CCDC90B: variants seen among roughly 807,000 people sequenced by gnomAD.
CCDC90B encodes the protein coiled-coil domain containing 90B, also known as coiled-coil domain-containing protein 90B, mitochondrial.
In CCDC90B, 24 loss-of-function variants were observed where a neutral mutation model predicts 37.0. That is an observed-to-expected ratio of 0.65 (90% CI 0.47 to 0.91). The LOEUF (loss-of-function observed/expected upper bound fraction) is 0.91. Ranked by LOEUF, CCDC90B falls within the 40% of genes least tolerant of loss-of-function variation. The pLI is 0.00. For missense variants in CCDC90B, 319 were observed against 299.0 expected (o/e 1.07, Z -0.49); for synonymous variants, 113 against 101.1 (o/e 1.12, Z -0.71).
intron 7 of CCDC90B, among the ~76,000 whole-genome samples, chr11:83,272,195 C>T (rs1591044262): frequency 6.6e-6 from 1 of 152,056 alleles, no homozygotes; most frequent in Admixed American, 6.6e-5. Context: ...TACATGTATA[C>T]CTATGTATCA....
intron 1 of CCDC90B, chr11:83,285,311 C>T: frequency 1.6e-6 from 2 of 1,224,966 alleles, no homozygotes; most frequent in African/African-American, 1.6e-5. Flanking sequence ...GTCTTCAGGA[C>T]ACCCTGTTAA....
chr11:83,265,024 G>C (rs1181656004), intron 8 of CCDC90B, among the ~76,000 whole-genome samples: 5 of 151,554 alleles, frequency 3.3e-5, no homozygotes, highest in African/African-American at 1.2e-4. Flanking sequence ...CGAGTTACTG[G>C]GTGCAGCGCA....
intron 7 of CCDC90B, among the ~76,000 whole-genome samples, chr11:83,266,447 A>C (rs557132467): frequency 3.9e-4 from 60 of 152,292 alleles, no homozygotes; most frequent in African/African-American, 1.3e-3. Flanking sequence ...AGACAAGGAG[A>C]TTCTCTCCTG....
At chr11:83,262,049 G>T in intron 8 of CCDC90B, 83 bp from the exon 9 acceptor site, 1 of 943,776 alleles carries the variant, frequency 1.1e-6, no homozygotes, top group South Asian at 1.8e-5. Flanking sequence ...ATCTTTAAGT[G>T]AAGAGCAAAA....
Position 83,260,944 on chromosome 11 carries a change from AGATGGGT to A in CCDC90B, c.*960_*966del. Reference sequence around the variant, plus strand: ...AGCTTTGTTTTATGTAATAAATTTAAGATGGGTTAACTTAAACTACATTAAGAAGCAG... The same window carrying A: ...AGCTTTGTTTTATGTAATAAATTTAATAACTTAAACTACATTAAGAAGCAG... On this transcript the variant is annotated 3_prime_UTR_variant, in exon 9 of 9. Transcript: ENST00000529689. 6.6e-6 allele frequency: 1 copy of A among 152,366 alleles called. No individual in the cohort carries two copies. Among genetic ancestry groups the A allele is most frequent in the South Asian group, 2.1e-4 (1 of 4,830 alleles). 9.4% of individuals were successfully genotyped at this position (152,366 alleles called of 1,614,324 possible).
chr11:83,286,144 TCA>T lies in CCDC90B; in HGVS notation c.-174_-173del, dbSNP rs769312857. ...CGTGGTCCCACGAAACTGGGTCTCTTCACAGACAGACCCACAGTTCGCGAGCA... is the reference window on the plus strand; with the variant it reads ...CGTGGTCCCACGAAACTGGGTCTCTTCAGACAGACCCACAGTTCGCGAGCA... On this transcript the variant is annotated 5_prime_UTR_variant, in exon 1 of 9. An upstream open reading frame in the 5' UTR gains an earlier in-frame stop. Transcript: ENST00000529689. 3.3e-6 allele frequency: 5 copies of T among 1,536,190 alleles called. No homozygotes were observed. The South Asian group carries it at 4.8e-5, about 15-fold the overall frequency.
chr11:83,279,154 G>A (rs12577453), intron 2 of CCDC90B, among the ~76,000 whole-genome samples: 4,831 of 152,070 alleles, frequency 0.032, 151 homozygotes, highest in South Asian at 0.08. Flanking sequence ...GGTGGCGGGC[G>A]CCCGTAGTCC....
At chr11:83,278,968 C>T in intron 2 of CCDC90B, 139 bp from the exon 3 acceptor site, 1 of 581,456 alleles carries the variant, frequency 1.7e-6, no homozygotes, top group South Asian at 2.1e-5. Flanking sequence ...ACAGATAATA[C>T]TAAATTACTC....
At chr11:83,282,819 C>G (rs934399012) in intron 1 of CCDC90B, among the ~76,000 whole-genome samples, 1 of 152,186 alleles carries the variant, frequency 6.6e-6, no homozygotes, top group Non-Finnish European at 1.5e-5. Context: ...TGCAAACCCT[C>G]TCATAATTTA....
chr11:83,282,499 A>G (rs916082389), intron 1 of CCDC90B, among the ~76,000 whole-genome samples: 3 of 152,200 alleles, frequency 2.0e-5, no homozygotes, highest in African/African-American at 7.2e-5. Flanking sequence ...AATTTGGGAT[A>G]GAGACCAAAT....
In CCDC90B at chr11:83,286,095, C is replaced by T. The variant is rs1427614882; in HGVS notation, c.-123G>A. ...ATTGTAGTTTTCGCTCTGTCACAAGCTCACCTCCCAGCGCAGGCGCCACCG... is the reference window on the plus strand; with the variant it reads ...ATTGTAGTTTTCGCTCTGTCACAAGTTCACCTCCCAGCGCAGGCGCCACCG... On this transcript the variant is annotated 5_prime_UTR_variant, in exon 1 of 9. Transcript: ENST00000529689. 2.0e-5 allele frequency: 30 copies of T among 1,537,136 alleles called. No individual in the cohort carries two copies. The highest frequency in any genetic ancestry group is 1.2e-4 in the South Asian group (10 of 84,076).
chr11:83,266,075 T>C, intron 7 of CCDC90B, 96 bp from the exon 8 acceptor site: 1 of 643,554 alleles, frequency 1.6e-6, no homozygotes, highest in Non-Finnish European at 2.7e-6. Context: ...GGGCTAATTG[T>C]GATATAAAAG....
rs777302567 is a variant in CCDC90B at position 83,285,954 on chromosome 11, AAGCCTGGCG to A, written c.10_18del (p.Arg4_Ala6del). On this transcript the variant is annotated inframe_deletion, in exon 1 of 9. Transcript: ENST00000529689. ...CTGCCTTGGGAGAGAAAGAGCCGCC[AAGCCTGGCG>A]ACTATTCATGTCCTCAGAGTTTTCC... 2.0e-5 allele frequency: 33 copies of A among 1,612,264 alleles called. No individual in the cohort carries two copies. Among genetic ancestry groups the A allele is most frequent in the Admixed American group, 8.4e-5 (5 of 59,862 alleles).
At chr11:83,280,049 A>G in intron 2 of CCDC90B, 92 bp downstream of exon 2, 1 of 1,253,164 alleles carries the variant, frequency 8.0e-7, no homozygotes, top group Middle Eastern at 2.8e-4. Flanking sequence ...CTATTTAGTT[A>G]CTTTTGATTG....
chr11:83,265,035 C>T lies in CCDC90B; in HGVS notation c.709+830G>A, dbSNP rs946869668. Among the ~76,000 whole-genome samples, 10 of 151,926 alleles carry T rather than the reference C, an allele frequency of 6.6e-5. No homozygotes were observed. The East Asian group carries it at 1.5e-3, about 24-fold the overall frequency. On this transcript the variant is annotated intron_variant, in intron 8 of 8. Transcript: ENST00000529689. ...ATGACGAGTTACTGGGTGCAGCGCA[C>T]CAGCATGGCACATGTATACATATGT...
At chr11:83,285,602 G>T (rs1865635119) in intron 1 of CCDC90B, 4 of 1,312,020 alleles carry the variant, frequency 3.0e-6, no homozygotes, top group Non-Finnish European at 3.9e-6. Flanking sequence ...CCAAAAAACG[G>T]AAACAACGGC....
intron 7 of CCDC90B, among the ~76,000 whole-genome samples, chr11:83,269,293 T>G (rs1315252856): frequency 6.6e-6 from 1 of 151,834 alleles, no homozygotes. Flanking sequence ...AGGTAAGAGA[T>G]AAGAGACACA....
Position 83,285,948 on chromosome 11 carries a change from G to T in CCDC90B, c.25C>A (p.Leu9Ile), listed in dbSNP as rs199827943. Reference protein sequence around the residue: MNSRQAWRLFLSQGRGDRW... With the variant: MNSRQAWRIFLSQGRGDRW... The stretch of plus-strand genomic sequence containing the variant: ...TCTCCTCTGCCTTGGGAGAGAAAGA[G>T]CCGCCAAGCCTGGCGACTATTCATG... Residue 9 changes from leucine to isoleucine, a missense_variant, in exon 1 of 9, where the codon CTC (leucine) becomes ATC (isoleucine). Coordinates refer to ENST00000529689, the MANE Select transcript of CCDC90B (RefSeq NM_021825.5). The T allele has an allele frequency of 2.5e-6, 4 of 1,612,422 alleles. No individual in the cohort carries two copies. The highest frequency in any genetic ancestry group is 2.7e-5 in the African/African-American group (2 of 74,896).
chr11:83,269,421 TAAAG>T (rs545811271), intron 7 of CCDC90B, among the ~76,000 whole-genome samples: 2 of 151,284 alleles, frequency 1.3e-5, no homozygotes, highest in South Asian at 2.1e-4. Context: ...GCCAGACTAA[TAAAG>T]AAGAAAAGAG....
Sources: allele counts gnomAD v4.1 joint callset (sites outside exome capture counted in the v4.1 genomes callset), GRCh38; gene constraint gnomAD v4.1.1; transcripts MANE v1.5; gene names NCBI Gene and HGNC (gene_info 2026-07-23, HGNC 2026-07-21).